The following MCTP1 variants were observed in gnomAD, a reference collection of about 807,000 sequenced individuals.
The protein encoded by MCTP1 is multiple C2 and transmembrane domain-containing protein 1.
MCTP1 carries 69 observed loss-of-function variants against 120.6 expected under a neutral mutation model. That is an observed-to-expected ratio of 0.57 (90% confidence interval 0.47 to 0.70). The LOEUF is 0.70. MCTP1 is among the 30% of genes least tolerant of loss of function. The pLI is 0.00. For missense variants in MCTP1, 1,203 were observed against 1,248.8 expected, an observed-to-expected ratio of 0.96 and a Z score of 0.55; for synonymous variants, 529 against 493.1, an observed-to-expected ratio of 1.07 and a Z score of -0.96.
At chr5:94,832,629 C>T (rs971852545) in intron 17 of MCTP1, among the ~76,000 whole-genome samples, 1 of 151,844 alleles carries the variant, frequency 6.6e-6, no homozygotes, top group Non-Finnish European at 1.5e-5. Flanking sequence ...CACACACACA[C>T]ACACACACAC....
chr5:94,917,647 G>T (rs911440037), intron 8 of MCTP1, among the ~76,000 whole-genome samples: 4 of 152,166 alleles, frequency 2.6e-5, no homozygotes, highest in African/African-American at 4.8e-5. Context: ...TAACAATACA[G>T]ATTTCAAAGT....
intron 19 of MCTP1, among the ~76,000 whole-genome samples, chr5:94,751,755 G>C (rs1768377058): frequency 6.6e-6 from 1 of 152,134 alleles, no homozygotes; most frequent in South Asian, 2.1e-4. Context: ...TGAAGGAACA[G>C]AGAAGGGGGA....
At chr5:95,122,231 C>T (rs1456501449) in intron 1 of MCTP1, among the ~76,000 whole-genome samples, 3 of 147,106 alleles carry the variant, frequency 2.0e-5, no homozygotes, top group Non-Finnish European at 4.5e-5. Flanking sequence ...TGGGAAAAAA[C>T]ATTTGCAAAC....
chr5:94,988,605 T>TG (rs2153611186), intron 2 of MCTP1, among the ~76,000 whole-genome samples: 1 of 151,640 alleles, frequency 6.6e-6, no homozygotes, highest in South Asian at 2.1e-4. Context: ...GTGTTTTTTT[T>TG]TTTTTTTTTT....
chr5:94,918,183 T>C (rs73776956), intron 7 of MCTP1, among the ~76,000 whole-genome samples: 8,475 of 152,266 alleles, frequency 0.056, 420 homozygotes, highest in African/African-American at 0.13. Context: ...TTTTCTTTAG[T>C]AGAATGATGC....
At chr5:94,905,289 G>A (rs1806533736) in intron 10 of MCTP1, among the ~76,000 whole-genome samples, 1 of 152,234 alleles carries the variant, frequency 6.6e-6, no homozygotes, top group Non-Finnish European at 1.5e-5. Flanking sequence ...AGGCCAGATT[G>A]TGCAAAGTCT....
intron 1 of MCTP1, among the ~76,000 whole-genome samples, chr5:95,073,744 A>G (rs72779422): frequency 0.047 from 7,104 of 152,254 alleles, 210 homozygotes; most frequent in Middle Eastern, 0.075. Context: ...GGTTGTTGGC[A>G]TCATCAGACC....
At position 95,117,218 on chromosome 5, in the gene MCTP1, G is replaced by A. The variant is rs192882771; in HGVS notation, c.721-99734C>T. Among the ~76,000 whole-genome samples, 218 of 151,842 alleles carry A rather than the reference G, an allele frequency of 1.4e-3. 2 individuals are homozygous for A. Among genetic ancestry groups the A allele is most frequent in the African/African-American group, 4.6e-3 (191 of 41,460 alleles). On this transcript the variant is annotated intron_variant, in intron 1 of 22. Coordinates refer to ENST00000515393, the MANE Select transcript of MCTP1 (RefSeq NM_024717.7). ...ATCCTCGCTAACACGGTGAAACCCC[G>A]TCTCTACTAAAAACAGAAAAAAATT... is the stretch of plus-strand genomic sequence containing the variant.
chr5:94,751,942 A>G (rs1580473241), intron 19 of MCTP1, among the ~76,000 whole-genome samples: 2 of 114,516 alleles, frequency 1.7e-5, no homozygotes, highest in Admixed American at 1.0e-4. Context: ...GGAACATCAC[A>G]CTCCGGGGAC....
rs537432904 is a variant in MCTP1 at position 95,042,346 on chromosome 5, A to G, written c.721-24862T>C. 3.3e-5 allele frequency among the ~76,000 whole-genome samples: 5 copies of G among 152,294 alleles called. No homozygotes were observed. In the East Asian group the frequency reaches 9.6e-4, roughly 29 times the overall value. ...GGCAATTTAAACTGCTCTATATGAA[A>G]CCATCAGGACTGAGCAATAAACATG... On this transcript the variant is annotated intron_variant, in intron 1 of 22. Coordinates refer to ENST00000515393, the MANE Select transcript of MCTP1 (RefSeq NM_024717.7).
At chr5:94,926,565 A>G (rs1208393485) in intron 6 of MCTP1, among the ~76,000 whole-genome samples, 1 of 152,188 alleles carries the variant, frequency 6.6e-6, no homozygotes, top group Non-Finnish European at 1.5e-5. Flanking sequence ...TCCTGACAAA[A>G]TTATAAATCG....
intron 1 of MCTP1, among the ~76,000 whole-genome samples, chr5:95,214,821 C>T (rs1175392713): frequency 2.2e-5 from 3 of 134,596 alleles, no homozygotes; most frequent in East Asian, 4.3e-4. Context: ...ACAATGAGAA[C>T]ACATGGACAC....
intron 19 of MCTP1, 48 bp downstream of exon 19, chr5:94,779,062 C>G: frequency 6.6e-7 from 1 of 1,513,850 alleles, no homozygotes; most frequent in African/African-American, 1.4e-5. Context: ...AGTGTCATGT[C>G]TACATTTCCC....
At chr5:94,963,644 G>A (rs1824896243) in intron 2 of MCTP1, among the ~76,000 whole-genome samples, 1 of 151,766 alleles carries the variant, frequency 6.6e-6, no homozygotes. Context: ...TTGCCATTTT[G>A]TTTTGGTAAT....
chr5:94,923,952 T>C lies in MCTP1; in HGVS notation c.1272+10A>G, dbSNP rs1477092150. Reference sequence around the variant, plus strand: ...ATCAAGAATATTAACAAAAAGGATTTAGACATTACCCTCCAAAAGAGAGAC... The same window carrying C: ...ATCAAGAATATTAACAAAAAGGATTCAGACATTACCCTCCAAAAGAGAGAC... On this transcript the variant is annotated intron_variant, in intron 7 of 22. Transcript: ENST00000515393. 3 of 1,501,226 alleles carry C rather than the reference T, an allele frequency of 2.0e-6. No individual in the cohort carries two copies. Among genetic ancestry groups the C allele is most frequent in the Non-Finnish European group, 2.7e-6 (3 of 1,120,936 alleles). The allele number at this position is 1,501,226 out of a possible 1,614,324, so 93.0% of individuals were successfully genotyped here. A position where few individuals can be genotyped will look rare whatever the true frequency, so the allele number is the denominator to read the frequency against.
intron 1 of MCTP1, among the ~76,000 whole-genome samples, chr5:95,161,745 A>G (rs1745767019): frequency 6.6e-6 from 1 of 152,206 alleles, no homozygotes; most frequent in Non-Finnish European, 1.5e-5. Flanking sequence ...AAGGTTAGGA[A>G]AATGAGGCAC....
intron 12 of MCTP1, among the ~76,000 whole-genome samples, chr5:94,884,493 T>C (rs1372317338): frequency 3.9e-5 from 6 of 151,952 alleles, no homozygotes; most frequent in African/African-American, 7.3e-5. Flanking sequence ...ATCCTGGAAG[T>C]GTGAAATCAG....
At chr5:94,887,076 C>A (rs531157694) in intron 12 of MCTP1, among the ~76,000 whole-genome samples, 15 of 152,260 alleles carry the variant, frequency 9.9e-5, no homozygotes, top group African/African-American at 3.4e-4. Context: ...AGTTCAACAT[C>A]TCTCTTGTTC....
chr5:94,874,923 A>C lies in MCTP1; in HGVS notation c.1934-1682T>G, dbSNP rs574169911. Among the ~76,000 whole-genome samples the C allele has an allele frequency of 9.5e-4, 144 of 152,292 alleles. 1 individual carries two copies. Among genetic ancestry groups the C allele is most frequent in the Admixed American group, 1.9e-3 (29 of 15,284 alleles). On this transcript the variant is annotated intron_variant, in intron 12 of 22. Transcript: ENST00000515393. The stretch of plus-strand genomic sequence containing the variant: ...GCGTGCCACATCTTAGGTAGGTAGT[A>C]GGTCACACGCATAGGAAATGCTGGG...
Sources: gnomAD v4.1 joint callset for allele counts (sites outside exome capture counted in the v4.1 genomes callset) on GRCh38, gnomAD v4.1.1 for gene constraint, MANE v1.5 for transcripts, NCBI Gene and HGNC (gene_info 2026-07-23, HGNC 2026-07-21) for gene names.